Variants in EFNA5 observed in about 807,000 individuals in gnomAD.
The protein encoded by EFNA5 is ephrin-A5.
In EFNA5, 5 loss-of-function variants were observed where a neutral mutation model predicts 22.9. The observed-to-expected ratio is 0.22, with a 90% CI of 0.11 to 0.46. The LOEUF (loss-of-function observed/expected upper bound fraction) is 0.46. Ranked by LOEUF, EFNA5 falls within the 20% of genes least tolerant of loss-of-function variation. The pLI, the probability that EFNA5 is intolerant of heterozygous loss-of-function variation, is 0.99. For synonymous variants in EFNA5, 113 were observed against 112.2 expected, an observed-to-expected ratio of 1.01 and a Z score of -0.04; for missense variants, 237 against 293.3, an observed-to-expected ratio of 0.81 and a Z score of 1.40.
intron 1 of EFNA5, among the ~76,000 whole-genome samples, chr5:107,651,431 T>G (rs1416441407): frequency 6.6e-6 from 1 of 152,074 alleles, no homozygotes; most frequent in Admixed American, 6.6e-5. Context: ...ACAGCATTGT[T>G]TCTATTCGCC....
chr5:107,436,537 C>G (rs1038105420), intron 1 of EFNA5, among the ~76,000 whole-genome samples: 2 of 152,150 alleles, frequency 1.3e-5, no homozygotes, highest in East Asian at 1.9e-4. Flanking sequence ...TCCTAACAGA[C>G]GTCACTCCCA....
At chr5:107,587,210 G>C (rs17160220) in intron 1 of EFNA5, among the ~76,000 whole-genome samples, 5 of 152,180 alleles carry the variant, frequency 3.3e-5, no homozygotes, top group African/African-American at 1.2e-4. Flanking sequence ...CATGCTTAAC[G>C]AATCATGCCA....
intron 1 of EFNA5, among the ~76,000 whole-genome samples, chr5:107,661,969 C>T (rs1422718048): frequency 6.6e-6 from 1 of 151,720 alleles, no homozygotes; most frequent in Non-Finnish European, 1.5e-5. Flanking sequence ...GGGAAAGAGG[C>T]AAGAGCTAAT....
At chr5:107,608,762 C>T (rs1201580239) in intron 1 of EFNA5, among the ~76,000 whole-genome samples, 1 of 152,242 alleles carries the variant, frequency 6.6e-6, no homozygotes, top group Non-Finnish European at 1.5e-5. Flanking sequence ...CCACAGCCTT[C>T]ACCCTTTATC....
intron 1 of EFNA5, among the ~76,000 whole-genome samples, chr5:107,489,024 C>G (rs558736540): frequency 6.6e-6 from 1 of 152,006 alleles, no homozygotes; most frequent in African/African-American, 2.4e-5. Context: ...CTGTCCAAAG[C>G]CTGTACCTGA....
intron 1 of EFNA5, among the ~76,000 whole-genome samples, chr5:107,589,803 T>C (rs921448861): frequency 1.2e-4 from 18 of 152,180 alleles, no homozygotes; most frequent in African/African-American, 4.3e-4. Flanking sequence ...AAAACAATGG[T>C]CTCAGGTACT....
At position 107,658,102 on chromosome 5, in the gene EFNA5, T is replaced by C. The variant is rs1177785151; in HGVS notation, c.125+12387A>G. 2.0e-5 allele frequency among the ~76,000 whole-genome samples: 3 copies of C among 152,158 alleles called. No homozygotes were observed. The East Asian group carries it at 5.8e-4, about 29-fold the overall frequency. On this transcript the variant is annotated intron_variant, in intron 1 of 4. Coordinates refer to ENST00000333274, the MANE Select transcript of EFNA5 (RefSeq NM_001962.3). ...TTGTCCCAAGTCTTTTATAACTCCA[T>C]TGAAATTACAGGCTCCTGAAAGCCA...
At chr5:107,634,793 A>G (rs1750337278) in intron 1 of EFNA5, among the ~76,000 whole-genome samples, 1 of 151,546 alleles carries the variant, frequency 6.6e-6, no homozygotes, top group African/African-American at 2.4e-5. Context: ...GATAATTTCC[A>G]AGGTATAATG....
At chr5:107,669,176 C>G (rs1219284838) in intron 1 of EFNA5, among the ~76,000 whole-genome samples, 1 of 151,988 alleles carries the variant, frequency 6.6e-6, no homozygotes, top group African/African-American at 2.4e-5. Context: ...AGGCTGGAGG[C>G]AGGCGGAGAG....
rs1019327903 is a variant in EFNA5, at chr5:107,380,036, T to G, written c.*1219A>C. ...ATATAAAATCAACACTTGAATTTTTTTACTCCAAACTTTGGAATTTTATTT... is the reference window on the plus strand; with the variant it reads ...ATATAAAATCAACACTTGAATTTTTGTACTCCAAACTTTGGAATTTTATTT... On this transcript the variant is annotated 3_prime_UTR_variant, in exon 5 of 5. Coordinates refer to ENST00000333274, the MANE Select transcript of EFNA5 (RefSeq NM_001962.3). The G allele has an allele frequency of 6.6e-6, 1 of 152,160 alleles. No homozygotes were observed. The highest frequency in any genetic ancestry group is 2.1e-4 in the South Asian group (1 of 4,828). 9.4% of individuals were successfully genotyped at this position (152,160 alleles called of 1,614,324 possible).
chr5:107,445,084 G>A (rs1415904913), intron 1 of EFNA5, among the ~76,000 whole-genome samples: 1 of 152,160 alleles, frequency 6.6e-6, no homozygotes, highest in African/African-American at 2.4e-5. Flanking sequence ...GTGCAGTGGT[G>A]TGATTTCGGC....
chr5:107,518,987 T>C (rs111929581), intron 1 of EFNA5, among the ~76,000 whole-genome samples: 4,929 of 152,328 alleles, frequency 0.032, 220 homozygotes, highest in African/African-American at 0.11. Flanking sequence ...TTTCATTTGA[T>C]GTAATGATAT....
chr5:107,613,145 C>A (rs1295576281), intron 1 of EFNA5, among the ~76,000 whole-genome samples: 1 of 151,808 alleles, frequency 6.6e-6, no homozygotes, highest in Admixed American at 6.6e-5. Context: ...TGATTTTGTA[C>A]ATTTTATTAA....
At chr5:107,453,229 C>CAT (rs1431505752) in intron 1 of EFNA5, among the ~76,000 whole-genome samples, 1 of 152,074 alleles carries the variant, frequency 6.6e-6, no homozygotes, top group Non-Finnish European at 1.5e-5. Context: ...GCTATTTAGA[C>CAT]ATATTAGATA....
rs1343207233 is a variant in EFNA5 at position 107,569,509 on chromosome 5, T to TTATA, written c.125+100976_125+100979dup. Among the ~76,000 whole-genome samples, 39 of 122,934 alleles carry TTATA rather than the reference T, an allele frequency of 3.2e-4. 1 individual carries two copies. The highest frequency in any genetic ancestry group is 3.8e-3 in the Middle Eastern group (1 of 264). 80.6% of individuals were successfully genotyped at this position (122,934 alleles called of 152,430 possible). On this transcript the variant is annotated intron_variant, in intron 1 of 4. Transcript: ENST00000333274. ...TATTTATATATATGTGTATATATAT[T>TTATA]TATATATGTGTGTATATATATTTAT...
At chr5:107,655,352 T>C (rs926758344) in intron 1 of EFNA5, among the ~76,000 whole-genome samples, 1 of 152,100 alleles carries the variant, frequency 6.6e-6, no homozygotes, top group African/African-American at 2.4e-5. Flanking sequence ...CAAAATGATA[T>C]AAGAGCAACA....
intron 1 of EFNA5, among the ~76,000 whole-genome samples, chr5:107,524,527 A>G (rs1217417778): frequency 6.6e-6 from 1 of 152,244 alleles, no homozygotes; most frequent in Non-Finnish European, 1.5e-5. Flanking sequence ...CCACTAATGC[A>G]AACACATTTT....
chr5:107,451,378 T>C (rs1749555879), intron 1 of EFNA5, among the ~76,000 whole-genome samples: 1 of 152,194 alleles, frequency 6.6e-6, no homozygotes, highest in South Asian at 2.1e-4. Flanking sequence ...AGCAAGACTG[T>C]TCAAGTCATT....
At chr5:107,498,912 C>A (rs1166233180) in intron 1 of EFNA5, among the ~76,000 whole-genome samples, 1 of 151,862 alleles carries the variant, frequency 6.6e-6, no homozygotes, top group Non-Finnish European at 1.5e-5. Context: ...TATAGTTTCC[C>A]CAGGTTGTGT....
Sources: gnomAD v4.1 joint callset for allele counts (sites outside exome capture counted in the v4.1 genomes callset) on GRCh38, gnomAD v4.1.1 for gene constraint, MANE v1.5 for transcripts, NCBI Gene and HGNC (gene_info 2026-07-23, HGNC 2026-07-21) for gene names.